CDH12: variants seen among roughly 807,000 people sequenced by gnomAD.
CDH12 encodes cadherin-12.
Under a neutral mutation model 74.1 loss-of-function variants are expected in CDH12, and 41 were observed. The observed-to-expected ratio is 0.55, with a 90% CI of 0.43 to 0.72. CDH12 has a LOEUF of 0.72. Among genes scored for constraint, CDH12 ranks in the 30% least tolerant of loss-of-function variants. The pLI is 0.00. For synonymous variants in CDH12, 399 were observed against 355.0 expected (o/e 1.12, Z -1.39); for missense variants, 945 against 977.2 (o/e 0.97, Z 0.44).
At chr5:22,046,681 G>A (rs1484880695) in intron 5 of CDH12, among the ~76,000 whole-genome samples, 1 of 152,092 alleles carries the variant, frequency 6.6e-6, no homozygotes, top group East Asian at 1.9e-4. Context: ...ATGGTTGAAA[G>A]ATGTTAACTG....
intron 3 of CDH12, among the ~76,000 whole-genome samples, chr5:22,331,563 C>T (rs1739353098): frequency 6.6e-6 from 1 of 152,148 alleles, no homozygotes; most frequent in Non-Finnish European, 1.5e-5. Context: ...CTAAGGAGGA[C>T]AGGCACAAAT....
At chr5:21,861,034 C>T (rs868480224) in intron 6 of CDH12, among the ~76,000 whole-genome samples, 1 of 151,986 alleles carries the variant, frequency 6.6e-6, no homozygotes, top group Non-Finnish European at 1.5e-5. Context: ...CATGCAGAGG[C>T]AGCTCTGGGT....
At chr5:22,579,134 A>C (rs555886421) in intron 1 of CDH12, among the ~76,000 whole-genome samples, 37 of 152,276 alleles carry the variant, frequency 2.4e-4, no homozygotes, top group African/African-American at 8.9e-4. Context: ...TGGAATCTCT[A>C]AAGAGTTCAA....
chr5:22,129,494 T>C (rs1746063444), intron 4 of CDH12, among the ~76,000 whole-genome samples: 1 of 152,154 alleles, frequency 6.6e-6, no homozygotes, highest in African/African-American at 2.4e-5. Flanking sequence ...CAAAATGATC[T>C]TAGTGGGTTT....
intron 2 of CDH12, among the ~76,000 whole-genome samples, chr5:22,488,172 A>T (rs1376242875): frequency 1.3e-5 from 2 of 152,228 alleles, no homozygotes; most frequent in Non-Finnish European, 2.9e-5. Context: ...ACTGACAGCT[A>T]AGTAAGTCTT....
chr5:22,543,764 T>G (rs536435954), intron 1 of CDH12, among the ~76,000 whole-genome samples: 1 of 152,340 alleles, frequency 6.6e-6, no homozygotes, highest in South Asian at 2.1e-4. Flanking sequence ...TAAAGTAAGC[T>G]AGAGTCCTAT....
chr5:22,769,413 T>C (rs1238759422), intron 1 of CDH12, among the ~76,000 whole-genome samples: 1 of 152,100 alleles, frequency 6.6e-6, no homozygotes, highest in Non-Finnish European at 1.5e-5. Context: ...CTCTTGGATT[T>C]ACACCAGTGG....
At chr5:22,594,398 C>T (rs1736495920) in intron 1 of CDH12, among the ~76,000 whole-genome samples, 1 of 152,128 alleles carries the variant, frequency 6.6e-6, no homozygotes, top group Non-Finnish European at 1.5e-5. Flanking sequence ...ATTTTGCTGT[C>T]TTTCTCCAAA....
intron 5 of CDH12, among the ~76,000 whole-genome samples, chr5:22,074,468 CT>C (rs1742166420): frequency 6.6e-6 from 1 of 152,122 alleles, no homozygotes; most frequent in South Asian, 2.1e-4. Flanking sequence ...CAAAAGGGAT[CT>C]AGTTAAACTA....
intron 3 of CDH12, among the ~76,000 whole-genome samples, chr5:22,298,306 A>T (rs1319311457): frequency 6.6e-6 from 1 of 151,832 alleles, no homozygotes; most frequent in African/African-American, 2.4e-5. Context: ...ATGAGTGTGT[A>T]TGTATATATA....
intron 2 of CDH12, among the ~76,000 whole-genome samples, chr5:22,430,995 A>G (rs1744147132): frequency 6.6e-6 from 1 of 152,160 alleles, no homozygotes; most frequent in South Asian, 2.1e-4. Context: ...AAGTGTGAAC[A>G]TGTTATTAGT....
intron 1 of CDH12, among the ~76,000 whole-genome samples, chr5:22,798,323 A>G (rs1251842009): frequency 1.3e-5 from 2 of 152,188 alleles, no homozygotes; most frequent in East Asian, 1.9e-4. Context: ...AACAAAAACT[A>G]TAATAGTTTA....
At chr5:21,810,177 A>G (rs1237434086) in intron 9 of CDH12, among the ~76,000 whole-genome samples, 1 of 152,102 alleles carries the variant, frequency 6.6e-6, no homozygotes, top group Non-Finnish European at 1.5e-5. Context: ...TTATCTTTCT[A>G]TCAGTAGGAC....
intron 2 of CDH12, among the ~76,000 whole-genome samples, chr5:22,412,518 T>G (rs981942520): frequency 6.6e-6 from 1 of 151,976 alleles, no homozygotes; most frequent in Non-Finnish European, 1.5e-5. Flanking sequence ...CAGTTATTTG[T>G]GATTTTATTG....
intron 4 of CDH12, among the ~76,000 whole-genome samples, chr5:22,194,322 T>G (rs1750494429): frequency 7.1e-6 from 1 of 140,722 alleles, no homozygotes; most frequent in Non-Finnish European, 1.6e-5. Context: ...TTTTTTTTTT[T>G]GTTTTGTTTT....
chr5:21,936,634 G>A (rs1032607088), intron 6 of CDH12, among the ~76,000 whole-genome samples: 12 of 152,118 alleles, frequency 7.9e-5, no homozygotes, highest in Non-Finnish European at 1.5e-4. Context: ...TCTACTTTGC[G>A]TTGTAAGGAA....
intron 1 of CDH12, among the ~76,000 whole-genome samples, chr5:22,577,862 C>A (rs1407894659): frequency 1.3e-5 from 2 of 152,126 alleles, no homozygotes; most frequent in Non-Finnish European, 2.9e-5. Flanking sequence ...GCAAAGACAA[C>A]CTGATTGCCT....
At chr5:21,752,404 T>G (rs1396849840) in intron 14 of CDH12, among the ~76,000 whole-genome samples, 168 bp from the exon 15 acceptor site, 1 of 152,210 alleles carries the variant, frequency 6.6e-6, no homozygotes, top group Non-Finnish European at 1.5e-5. Context: ...GTTTAAATTT[T>G]GAAATTGTTA....
intron 6 of CDH12, among the ~76,000 whole-genome samples, chr5:21,948,338 C>G (rs1755672315): frequency 6.6e-6 from 1 of 152,172 alleles, no homozygotes; most frequent in Non-Finnish European, 1.5e-5. Flanking sequence ...GGGAGCCCAC[C>G]CCTTGCATTA....
Sources: allele counts gnomAD v4.1 joint callset (sites outside exome capture counted in the v4.1 genomes callset), GRCh38; gene constraint gnomAD v4.1.1; transcripts MANE v1.5; gene names NCBI Gene and HGNC (gene_info 2026-07-23, HGNC 2026-07-21).